Variants in GABRR3 observed in about 807,000 individuals in gnomAD.
GABRR3 encodes the protein gamma-aminobutyric acid type A receptor subunit rho3, also known as gamma-aminobutyric acid receptor subunit rho-3.
GABRR3 carries 29 observed loss-of-function variants against 43.2 expected under a neutral mutation model. The observed-to-expected ratio is 0.67, with a 90% CI of 0.50 to 0.92. The LOEUF (loss-of-function observed/expected upper bound fraction) is 0.92. GABRR3 is among the 40% of genes least tolerant of loss of function. The pLI, the probability that GABRR3 is intolerant of heterozygous loss-of-function variation, is 0.00. For missense variants in GABRR3, 576 were observed against 572.3 expected (o/e 1.01, Z -0.07); for synonymous variants, 206 against 195.9 (o/e 1.05, Z -0.43).
chr3:97,993,054 A>C lies in GABRR3; in HGVS notation c.908-6T>G. ...GGTCAGCACTGTGGTGATTCCTGCC[A>C]TTTGAGAATAGTGGCAAGCTCAGTG... On this transcript the variant is annotated splice_region_variant and splice_polypyrimidine_tract_variant and intron_variant, in intron 8 of 9. Transcript: ENST00000621172. 1 of 1,583,322 alleles carries C rather than the reference A, an allele frequency of 6.3e-7. No homozygotes were observed. Among genetic ancestry groups the C allele is most frequent in the African/African-American group, 1.3e-5 (1 of 74,348 alleles).
intron 3 of GABRR3, among the ~76,000 whole-genome samples, chr3:98,020,457 C>CAAAAAA (rs745684367): frequency 5.4e-4 from 54 of 100,398 alleles, no homozygotes; most frequent in Non-Finnish European, 5.6e-4. Flanking sequence ...GTCCAATCTT[C>CAAAAAA]AAAAAAAAAA....
intron 5 of GABRR3, among the ~76,000 whole-genome samples, chr3:98,012,067 T>C (rs535719209): frequency 1.3e-5 from 2 of 152,298 alleles, no homozygotes; most frequent in Admixed American, 6.5e-5. Context: ...TGTTTACTTA[T>C]AATATTGTGT....
At chr3:98,028,826 C>A (rs1707053041) in intron 2 of GABRR3, among the ~76,000 whole-genome samples, 1 of 151,988 alleles carries the variant, frequency 6.6e-6, no homozygotes. Flanking sequence ...GGATAGACAC[C>A]CTCGTTTGAA....
intron 9 of GABRR3, among the ~76,000 whole-genome samples, chr3:97,992,176 G>T (rs1243544395): frequency 6.6e-6 from 1 of 152,078 alleles, no homozygotes; most frequent in Admixed American, 6.6e-5. Flanking sequence ...AGCCCAGAAG[G>T]CACCTCATTC....
intron 9 of GABRR3, among the ~76,000 whole-genome samples, chr3:97,992,288 T>G (rs1410634414): frequency 6.6e-6 from 1 of 152,008 alleles, no homozygotes; most frequent in Admixed American, 6.6e-5. Context: ...GAGAAACATA[T>G]CATTTATTGG....
intron 4 of GABRR3, among the ~76,000 whole-genome samples, chr3:98,017,144 G>A (rs1706881565): frequency 6.6e-6 from 1 of 152,036 alleles, no homozygotes; most frequent in South Asian, 2.1e-4. Context: ...AAATATAAGG[G>A]AGTAGACAAA....
intron 7 of GABRR3, among the ~76,000 whole-genome samples, chr3:98,004,027 T>TAACAGAGA (rs1706690637): frequency 6.6e-6 from 1 of 151,812 alleles, no homozygotes; most frequent in Admixed American, 6.6e-5. Context: ...AGAAGAGGAG[T>TAACAGAGA]TAATAACAGA....
At chr3:98,020,519 T>C (rs1470051268) in intron 3 of GABRR3, among the ~76,000 whole-genome samples, 1 of 151,962 alleles carries the variant, frequency 6.6e-6, no homozygotes, top group Non-Finnish European at 1.5e-5. Flanking sequence ...TATTTATTTT[T>C]TTAAATCAGA....
At chr3:98,014,399 T>C (rs1706849821) in intron 4 of GABRR3, among the ~76,000 whole-genome samples, 1 of 152,138 alleles carries the variant, frequency 6.6e-6, no homozygotes, top group African/African-American at 2.4e-5. Flanking sequence ...ATGACTTGGA[T>C]AATATTCCAG....
At chr3:97,990,742 A>C (rs1706456171) in intron 9 of GABRR3, among the ~76,000 whole-genome samples, 1 of 151,964 alleles carries the variant, frequency 6.6e-6, no homozygotes, top group Non-Finnish European at 1.5e-5. Context: ...CATTTATTTG[A>C]GATAATTGAG....
At chr3:98,022,874 T>A (rs1282132939) in intron 3 of GABRR3, among the ~76,000 whole-genome samples, 2 of 152,138 alleles carry the variant, frequency 1.3e-5, no homozygotes, top group South Asian at 2.1e-4. Context: ...GCATTTTCAT[T>A]TAAAAAAAAT....
intron 2 of GABRR3, 105 bp from the exon 3 acceptor site, chr3:98,025,784 T>C (rs751231177): frequency 1.2e-4 from 77 of 644,382 alleles, no homozygotes; most frequent in Non-Finnish European, 1.8e-4. Flanking sequence ...CTGAAATACA[T>C]ACATAAAAGC....
intron 7 of GABRR3, among the ~76,000 whole-genome samples, chr3:98,005,267 C>T (rs1706711522): frequency 6.6e-6 from 1 of 151,168 alleles, no homozygotes; most frequent in African/African-American, 2.4e-5. Context: ...TGTATATAAG[C>T]ACTCATGCAC....
chr3:98,010,733 G>C (rs1054246244), intron 5 of GABRR3, among the ~76,000 whole-genome samples: 9 of 152,166 alleles, frequency 5.9e-5, no homozygotes, highest in African/African-American at 2.2e-4. Flanking sequence ...TGTCCAGATA[G>C]TGTCGTTCTG....
At chr3:98,029,527 G>A (rs1167248419) in intron 2 of GABRR3, among the ~76,000 whole-genome samples, 4 of 152,058 alleles carry the variant, frequency 2.6e-5, no homozygotes, top group Non-Finnish European at 5.9e-5. Context: ...TAAGTGGAAT[G>A]ATAAAAAATC....
At chr3:98,004,330 A>G (rs1434797235) in intron 7 of GABRR3, among the ~76,000 whole-genome samples, 1 of 152,164 alleles carries the variant, frequency 6.6e-6, no homozygotes, top group Non-Finnish European at 1.5e-5. Context: ...ACCCTATGAT[A>G]TAGAGAGTAT....
intron 9 of GABRR3, among the ~76,000 whole-genome samples, chr3:97,989,891 A>G (rs943739102): frequency 7.9e-5 from 12 of 152,178 alleles, no homozygotes. Context: ...AAACTGCTTT[A>G]CCAATAACAA....
At chr3:98,009,914 C>T (rs1437427673) in intron 5 of GABRR3, among the ~76,000 whole-genome samples, 2 of 152,172 alleles carry the variant, frequency 1.3e-5, no homozygotes, top group East Asian at 3.9e-4. Context: ...CTAGAAAGGA[C>T]CCTCCGAGGT....
chr3:97,992,787 G>A (rs545842893), intron 9 of GABRR3, 65 bp downstream of exon 9: 9 of 1,407,340 alleles, frequency 6.4e-6, no homozygotes, highest in African/African-American at 5.7e-5. Flanking sequence ...TCAAGAGAGG[G>A]CAATAGATAA....
Sources: gnomAD v4.1 joint callset for allele counts (sites outside exome capture counted in the v4.1 genomes callset) on GRCh38, gnomAD v4.1.1 for gene constraint, MANE v1.5 for transcripts, NCBI Gene and HGNC (gene_info 2026-07-23, HGNC 2026-07-21) for gene names.